The following KLHL1 variants were observed in gnomAD, a reference collection of about 807,000 sequenced individuals.
KLHL1 encodes kelch-like protein 1.
In KLHL1, 47 loss-of-function variants were observed where a neutral mutation model predicts 77.7. That is an observed-to-expected ratio of 0.60 (90% CI 0.48 to 0.77). The LOEUF is 0.77. Among genes scored for constraint, KLHL1 ranks in the 30% least tolerant of loss-of-function variants. The pLI is 0.00. For synonymous variants in KLHL1, 360 were observed against 325.2 expected (o/e 1.11, Z -1.15); for missense variants, 925 against 910.8 (o/e 1.02, Z -0.20).
chr13:69,860,317 G>T (rs903583360), intron 5 of KLHL1, among the ~76,000 whole-genome samples: 1 of 151,914 alleles, frequency 6.6e-6, no homozygotes, highest in African/African-American at 2.4e-5. Flanking sequence ...AGCATGACAA[G>T]TATTCTTGTA....
At chr13:69,975,962 C>T (rs915250259) in intron 1 of KLHL1, among the ~76,000 whole-genome samples, 160 bp from the exon 2 acceptor site, 2 of 151,616 alleles carry the variant, frequency 1.3e-5, no homozygotes, top group Non-Finnish European at 2.9e-5. Flanking sequence ...AAATAAAAGT[C>T]GAATAATCTA....
At chr13:70,091,346 ATTC>A (rs952080039) in intron 1 of KLHL1, among the ~76,000 whole-genome samples, 80 of 151,398 alleles carry the variant, frequency 5.3e-4, no homozygotes, top group African/African-American at 1.8e-3. Flanking sequence ...TCTTTTTACA[ATTC>A]TTCTTATGAT....
intron 4 of KLHL1, among the ~76,000 whole-genome samples, chr13:69,918,838 A>G (rs1015639042): frequency 6.6e-6 from 1 of 152,158 alleles, no homozygotes; most frequent in Middle Eastern, 3.2e-3. Context: ...TCAATTAATT[A>G]CATTCTCCTC....
intron 3 of KLHL1, among the ~76,000 whole-genome samples, chr13:69,941,280 A>G (rs1489896023): frequency 6.6e-6 from 1 of 152,050 alleles, no homozygotes; most frequent in African/African-American, 2.4e-5. Context: ...TAAAACTCAA[A>G]ATTAATTCCA....
chr13:69,957,543 T>C (rs1285731775), intron 3 of KLHL1, among the ~76,000 whole-genome samples: 2 of 151,734 alleles, frequency 1.3e-5, no homozygotes. Context: ...TCGACATATA[T>C]AGTTTACATT....
Position 69,932,028 on chromosome 13 carries a change from TATG to T in KLHL1, c.1014+8009_1014+8011del, listed in dbSNP as rs1181196965. The stretch of plus-strand genomic sequence containing the variant: ...AATTACTTATATTCATATTTAAGAT[TATG>T]ATATCTAATTGTATATTTCAAATTA... On this transcript the variant is annotated intron_variant, in intron 4 of 10. Transcript: ENST00000377844. Among the ~76,000 whole-genome samples, 10 of 151,812 alleles carry T rather than the reference TATG, an allele frequency of 6.6e-5. No homozygotes were observed. In the East Asian group the frequency reaches 1.2e-3, roughly 18 times the overall value.
chr13:69,900,580 C>T (rs969580482), intron 4 of KLHL1, among the ~76,000 whole-genome samples: 2 of 152,152 alleles, frequency 1.3e-5, no homozygotes, highest in African/African-American at 4.8e-5. Flanking sequence ...GTGGAAAGGG[C>T]ACTTTTGCTG....
At chr13:69,737,602 G>A (rs928728728) in intron 8 of KLHL1, among the ~76,000 whole-genome samples, 7 of 152,200 alleles carry the variant, frequency 4.6e-5, no homozygotes, top group African/African-American at 1.4e-4. Context: ...TCTCACAGGG[G>A]AACACAGTGA....
chr13:69,809,900 T>A (rs1404448814), intron 6 of KLHL1, among the ~76,000 whole-genome samples: 1 of 151,992 alleles, frequency 6.6e-6, no homozygotes. Flanking sequence ...GGATCACTAT[T>A]CGTTTATCAG....
In KLHL1 at chr13:69,916,827, T is replaced by C. The variant is rs1478862858; in HGVS notation, c.1014+23213A>G. Among the ~76,000 whole-genome samples, 4 of 151,888 alleles carry C rather than the reference T, an allele frequency of 2.6e-5. No homozygotes were observed. The East Asian group carries it at 5.8e-4, about 22-fold the overall frequency. ...TGATGTGAAACATATATAAATATAATTGGTAAATTTCTATATTGATAACAG... is the reference window on the plus strand; with the variant it reads ...TGATGTGAAACATATATAAATATAACTGGTAAATTTCTATATTGATAACAG... On this transcript the variant is annotated intron_variant, in intron 4 of 10. Coordinates refer to ENST00000377844, the MANE Select transcript of KLHL1 (RefSeq NM_020866.3).
chr13:69,749,315 C>T (rs1250694062), intron 7 of KLHL1, among the ~76,000 whole-genome samples: 1 of 151,746 alleles, frequency 6.6e-6, no homozygotes, highest in East Asian at 1.9e-4. Context: ...AAATAATTAT[C>T]TAATAGAAAG....
chr13:69,825,414 A>G (rs1414931522), intron 6 of KLHL1, among the ~76,000 whole-genome samples: 2 of 152,168 alleles, frequency 1.3e-5, no homozygotes, highest in African/African-American at 4.8e-5. Flanking sequence ...GATGGAAAGA[A>G]AATAGGAAAA....
chr13:70,050,935 C>G (rs1223930400), intron 1 of KLHL1, among the ~76,000 whole-genome samples: 2 of 151,982 alleles, frequency 1.3e-5, no homozygotes, highest in South Asian at 4.1e-4. Flanking sequence ...CTAATTGGAG[C>G]AGATAAGTAC....
chr13:69,838,977 T>G lies in KLHL1; in HGVS notation c.1413A>C (p.Lys471Asn), dbSNP rs1199626192. The G allele has an allele frequency of 6.3e-7, 1 of 1,599,050 alleles. No homozygotes were observed. Among genetic ancestry groups the G allele is most frequent in the Admixed American group, 1.7e-5 (1 of 58,262 alleles). The change falls in exon 6 of 11, where the codon AAA becomes AAC. Residue 471 changes from lysine to asparagine, a missense_variant and splice_region_variant. By Grantham distance (94) the Lys-to-Asn change is moderately conservative. Coordinates refer to ENST00000377844, the MANE Select transcript of KLHL1 (RefSeq NM_020866.3). The stretch of plus-strand genomic sequence containing the variant: ...TTATATAAATCCAGAATTAAATACC[T>G]TTGTTGTTATCCATTCCTCCTACAG... ...LYAVGGMDNN[K>N]GATTIEKYDL... is the part of the protein sequence containing the mutation.
chr13:69,974,909 T>A (rs1409539513), intron 2 of KLHL1, among the ~76,000 whole-genome samples: 1 of 152,052 alleles, frequency 6.6e-6, no homozygotes, highest in Non-Finnish European at 1.5e-5. Flanking sequence ...AATATAAAAA[T>A]GCTTTCAATA....
chr13:70,085,936 T>C (rs1222497143), intron 1 of KLHL1, among the ~76,000 whole-genome samples: 1 of 152,178 alleles, frequency 6.6e-6, no homozygotes. Context: ...TATCCATGTA[T>C]ATGGTGACAG....
At chr13:69,941,200 C>A (rs2482571) in intron 3 of KLHL1, among the ~76,000 whole-genome samples, 1 of 151,892 alleles carries the variant, frequency 6.6e-6, no homozygotes, top group South Asian at 2.1e-4. Context: ...CCAAGATAGA[C>A]CAGGAACAAG....
At chr13:70,067,593 G>C (rs1022370371) in intron 1 of KLHL1, among the ~76,000 whole-genome samples, 29 of 152,040 alleles carry the variant, frequency 1.9e-4, no homozygotes, top group African/African-American at 7.0e-4. Context: ...AAGGATAAAA[G>C]GGCAGGCGGT....
At chr13:69,967,986 TA>T (rs1884267824) in intron 2 of KLHL1, among the ~76,000 whole-genome samples, 1 of 152,056 alleles carries the variant, frequency 6.6e-6, no homozygotes, top group Non-Finnish European at 1.5e-5. Context: ...TGAAAGAAGT[TA>T]TACCGTGGGT....
Sources: gnomAD v4.1 joint callset for allele counts (sites outside exome capture counted in the v4.1 genomes callset) on GRCh38, gnomAD v4.1.1 for gene constraint, MANE v1.5 for transcripts, NCBI Gene and HGNC (gene_info 2026-07-23, HGNC 2026-07-21) for gene names.